The following MID2 variants were observed in gnomAD, a reference collection of about 807,000 sequenced individuals.
MID2 encodes the protein midline 2.
In MID2, 13 loss-of-function variants were observed where a neutral mutation model predicts 46.1. The ratio of observed to expected loss-of-function variants is 0.28; its 90% CI spans 0.18 to 0.45. The LOEUF is 0.45. Ranked by LOEUF, MID2 falls within the 20% of genes least tolerant of loss-of-function variation. The probability of loss-of-function intolerance (pLI) is 1.00; values close to 1 mark genes in which losing one functional copy is unlikely to be tolerated. For missense variants in MID2, 431 were observed against 575.4 expected (o/e 0.75, Z 2.57); for synonymous variants, 199 against 212.3 (o/e 0.94, Z 0.55).
In MID2 at chrX:107,850,908, G is replaced by A. The variant is rs774148761; in HGVS notation, c.721-3701G>A. ...CAGTTTTGTGATCAGTGTTGCAACA[G>A]GTTGAGGTACTTGTTAAAAACATTA... On this transcript the variant is annotated intron_variant, in intron 2 of 9. Coordinates refer to ENST00000262843, the MANE Select transcript of MID2 (RefSeq NM_012216.4). 1.6e-4 allele frequency among the ~76,000 whole-genome samples: 18 copies of A among 112,130 alleles called. No homozygotes were observed. In the East Asian group the frequency reaches 5.0e-3, roughly 31 times the overall value.
intron 3 of MID2, among the ~76,000 whole-genome samples, chrX:107,864,022 C>A (rs991406477): frequency 3.6e-5 from 4 of 112,389 alleles, no homozygotes; most frequent in Admixed American, 2.8e-4. Context: ...ATATTAGATG[C>A]CTTACTCAAG....
chrX:107,865,358 G>A (rs1415094256), intron 3 of MID2, among the ~76,000 whole-genome samples: 2 of 112,496 alleles, frequency 1.8e-5, no homozygotes, highest in Non-Finnish European at 3.8e-5. Context: ...TCCAGAGCAT[G>A]CATCATAATG....
chrX:107,841,475 T>G, intron 2 of MID2, 90 bp downstream of exon 2: 1 of 660,182 alleles, frequency 1.5e-6, no homozygotes, highest in Non-Finnish European at 2.3e-6. Flanking sequence ...TTTTCCTATA[T>G]GACAAGTGAG....
At chrX:107,900,263 A>G (rs1932785008) in intron 3 of MID2, among the ~76,000 whole-genome samples, 1 of 111,411 alleles carries the variant, frequency 9.0e-6, no homozygotes, top group South Asian at 3.8e-4. Flanking sequence ...ATATTTTATA[A>G]TGCTTGGCAT....
intron 3 of MID2, chrX:107,895,147 T>C (rs1238609224): frequency 9.1e-6 from 1 of 109,489 alleles, no homozygotes; most frequent in Non-Finnish European, 1.9e-5. Flanking sequence ...ATTGGTACAA[T>C]AATTCTATTG....
intron 3 of MID2, among the ~76,000 whole-genome samples, chrX:107,872,007 G>T (rs1192812199): frequency 1.8e-5 from 2 of 112,026 alleles, no homozygotes; most frequent in Non-Finnish European, 3.8e-5. Flanking sequence ...ATCCTCTTCT[G>T]CCCAGAATTT....
chrX:107,883,895 G>T (rs1163180542), intron 3 of MID2, among the ~76,000 whole-genome samples: 1 of 112,379 alleles, frequency 8.9e-6, no homozygotes, highest in Admixed American at 9.4e-5. Flanking sequence ...CTCAGTAAGA[G>T]ATCATAGACC....
chrX:107,904,772 G>C (rs1467349875), intron 4 of MID2, among the ~76,000 whole-genome samples: 2 of 111,825 alleles, frequency 1.8e-5, no homozygotes, highest in Admixed American at 1.9e-4. Context: ...ATGATCATAA[G>C]CGTCAAGTGT....
chrX:107,899,759 T>G (rs1470124151), intron 3 of MID2, among the ~76,000 whole-genome samples: 1 of 111,293 alleles, frequency 9.0e-6, no homozygotes, highest in Non-Finnish European at 1.9e-5. Context: ...TCCACAGACA[T>G]AAAGCCATTT....
At chrX:107,867,501 G>A (rs1388846667) in intron 3 of MID2, among the ~76,000 whole-genome samples, 1 of 110,731 alleles carries the variant, frequency 9.0e-6, no homozygotes, top group Non-Finnish European at 1.9e-5. Context: ...CCCCTCTGCT[G>A]GGTTAAGTAC....
chrX:107,896,241 C>G (rs772693864), intron 3 of MID2: 13 of 105,925 alleles, frequency 1.2e-4, no homozygotes, highest in African/African-American at 4.4e-4. Context: ...AGCTACTCGG[C>G]GGGGTTGGGG....
At chrX:107,831,377 C>T (rs1220894680) in intron 1 of MID2, among the ~76,000 whole-genome samples, 3 of 112,164 alleles carry the variant, frequency 2.7e-5, no homozygotes, top group Non-Finnish European at 5.6e-5. Context: ...CTGAAATCGT[C>T]CTGAAACATG....
At chrX:107,900,867 A>G (rs1305855611) in intron 3 of MID2, among the ~76,000 whole-genome samples, 2 of 112,292 alleles carry the variant, frequency 1.8e-5, no homozygotes, top group East Asian at 5.6e-4. Flanking sequence ...TTTTATATGT[A>G]TATGGCTCTT....
intron 3 of MID2, among the ~76,000 whole-genome samples, chrX:107,871,010 A>AT (rs1024366919): frequency 6.4e-5 from 7 of 109,591 alleles, no homozygotes; most frequent in Non-Finnish European, 1.1e-4. Context: ...ATTTACTTTC[A>AT]TTTTTTTGTC....
At chrX:107,917,793 G>A (rs1300015787) in intron 7 of MID2, 54 bp downstream of exon 7, 2 of 1,071,896 alleles carry the variant, frequency 1.9e-6, no homozygotes, top group East Asian at 6.1e-5. Context: ...CATAGACAGT[G>A]TAAGCTCCCC....
At chrX:107,887,244 G>T (rs1932474311) in intron 3 of MID2, among the ~76,000 whole-genome samples, 1 of 111,937 alleles carries the variant, frequency 8.9e-6, no homozygotes, top group South Asian at 3.7e-4. Flanking sequence ...CATTCAGTAT[G>T]ATATTGGCTG....
At chrX:107,866,434 C>T (rs1284964101) in intron 3 of MID2, among the ~76,000 whole-genome samples, 2 of 76,862 alleles carry the variant, frequency 2.6e-5, no homozygotes, top group Non-Finnish European at 2.4e-5. Context: ...CACACACACA[C>T]ACACACACAC....
chrX:107,909,013 G>A (rs1932861031), intron 5 of MID2, among the ~76,000 whole-genome samples: 1 of 111,651 alleles, frequency 9.0e-6, no homozygotes, highest in Non-Finnish European at 1.9e-5. Context: ...TTCTCATTAT[G>A]GATTGTATTT....
In MID2 at chrX:107,924,340, C is replaced by T. The variant is rs769453366; in HGVS notation, c.1436-3C>T. On this transcript the variant is annotated splice_region_variant and splice_polypyrimidine_tract_variant and intron_variant, in intron 7 of 9. Coordinates refer to ENST00000262843, the MANE Select transcript of MID2 (RefSeq NM_012216.4). ...AATGTCCTTGTCTTTCCCCATGTTA[C>T]AGGCCTGTATAATTCAGTAGACAGC... 2.5e-6 allele frequency: 3 copies of T among 1,204,817 alleles called. No individual in the cohort carries two copies. Among genetic ancestry groups the T allele is most frequent in the Non-Finnish European group, 3.4e-6 (3 of 890,514 alleles).
Sources: allele counts gnomAD v4.1 joint callset (sites outside exome capture counted in the v4.1 genomes callset), GRCh38; gene constraint gnomAD v4.1.1; transcripts MANE v1.5; gene names NCBI Gene and HGNC (gene_info 2026-07-23, HGNC 2026-07-21).